The following XYLT1 variants were observed in gnomAD, a reference collection of about 807,000 sequenced individuals.
XYLT1 encodes the protein xylosyltransferase 1, also known as beta-D-xylosyltransferase 1.
Under a neutral mutation model 91.3 loss-of-function variants are expected in XYLT1, and 36 were observed. That is an observed-to-expected ratio of 0.39 (90% CI 0.30 to 0.52). XYLT1 has a LOEUF of 0.52. Among genes scored for constraint, XYLT1 ranks in the 20% least tolerant of loss-of-function variants. The pLI is 0.68. For missense variants in XYLT1, 1,242 were observed against 1,284.5 expected (o/e 0.97, Z 0.51); for synonymous variants, 588 against 532.0 (o/e 1.11, Z -1.45).
intron 1 of XYLT1, among the ~76,000 whole-genome samples, chr16:17,432,955 C>A (rs1158839898): frequency 1.3e-5 from 2 of 152,178 alleles, no homozygotes; most frequent in African/African-American, 2.4e-5. Flanking sequence ...CAGAGCATCA[C>A]TCGGGCAGAG....
chr16:17,179,655 G>A (rs2032022922), intron 5 of XYLT1, among the ~76,000 whole-genome samples: 2 of 152,186 alleles, frequency 1.3e-5, no homozygotes, highest in Non-Finnish European at 2.9e-5. Context: ...CAAAATGGCT[G>A]GAGTATACCA....
intron 1 of XYLT1, among the ~76,000 whole-genome samples, chr16:17,375,379 A>G (rs2035585320): frequency 6.6e-6 from 1 of 151,708 alleles, no homozygotes; most frequent in South Asian, 2.1e-4. Context: ...TAGTGCCTAT[A>G]TTGTTAACCG....
rs141660332 is a variant in XYLT1 at position 17,242,501 on chromosome 16, C to A, written c.913+16487G>T. ...GACTTATCTGGAACAAATCATCTAG[C>A]CTCACTCTGCAGGAGAATTGTCATC... On this transcript the variant is annotated intron_variant, in intron 3 of 11. Coordinates refer to ENST00000261381, the MANE Select transcript of XYLT1 (RefSeq NM_022166.4). 9.7e-4 allele frequency among the ~76,000 whole-genome samples: 148 copies of A among 152,270 alleles called. 1 individual carries two copies. In the East Asian group the frequency reaches 0.025, roughly 26 times the overall value.
intron 1 of XYLT1, among the ~76,000 whole-genome samples, chr16:17,396,253 C>T (rs920892926): frequency 6.6e-6 from 1 of 152,166 alleles, no homozygotes; most frequent in African/African-American, 2.4e-5. Flanking sequence ...CTGTGCTGGG[C>T]ATCAAGGAAA....
At position 17,200,642 on chromosome 16, in the gene XYLT1, T is replaced by C; in HGVS notation, c.926A>G (p.Lys309Arg). The change falls in exon 4 of 12, where the codon AAG (lysine) becomes AGG (arginine). Residue 309 changes from lysine (K) to arginine (R), a missense_variant. Coordinates refer to ENST00000261381, the MANE Select transcript of XYLT1 (RefSeq NM_022166.4). ...GGAGTCCTCGTCCCACTGCACGTTC[T>C]TGTTGGCTTTACCTGGGGAAAATCC... ...RFCPLEGKANKNVQWDEDSVE... is the reference protein window; with the variant it reads ...RFCPLEGKANRNVQWDEDSVE... The C allele has an allele frequency of 6.2e-7, 1 of 1,613,102 alleles. No homozygotes were observed. The highest frequency in any genetic ancestry group is 1.3e-5 in the African/African-American group (1 of 75,018).
chr16:17,127,735 C>A lies in XYLT1; in HGVS notation c.2154G>T (p.Trp718Cys). ...AVSKLETLET[W>C]VMPKKVFKIA... ...TCTTGAAGACTTTTTTCGGCATCAC[C>A]CAGGTCTCCAGAGTCTCTAGTTTGC... Residue 718 changes from tryptophan (W) to cysteine (C), a missense_variant, in exon 10 of 12, where the codon TGG becomes TGT. This residue lies in a region of XYLT1 where 511 missense variants were observed against 497.0 expected (regional missense o/e 1.03). Transcript: ENST00000261381. 1 of 1,614,154 alleles carries A rather than the reference C, an allele frequency of 6.2e-7. No homozygotes were observed. Among genetic ancestry groups the A allele is most frequent in the Non-Finnish European group, 8.5e-7 (1 of 1,180,032 alleles).
chr16:17,281,904 C>T (rs1381868031), intron 2 of XYLT1, among the ~76,000 whole-genome samples: 2 of 152,150 alleles, frequency 1.3e-5, no homozygotes, highest in Non-Finnish European at 2.9e-5. Context: ...GTTCTATGGG[C>T]CATACCTGAG....
rs558723994 is a variant in XYLT1 at position 17,331,908 on chromosome 16, T to C, written c.402+26104A>G. Among the ~76,000 whole-genome samples, 17 of 152,334 alleles carry C rather than the reference T, an allele frequency of 1.1e-4. 1 individual carries two copies. The South Asian group carries it at 2.9e-3, about 26-fold the overall frequency. ...CTTTGCTTCCTCAAATAAGGTCCTC[T>C]AGCCAGACAGCCTCCTTTGTCTCAG... On this transcript the variant is annotated intron_variant, in intron 2 of 11. Transcript: ENST00000261381.
At chr16:17,231,748 T>C (rs1353120893) in intron 3 of XYLT1, among the ~76,000 whole-genome samples, 1 of 151,994 alleles carries the variant, frequency 6.6e-6, no homozygotes, top group South Asian at 2.1e-4. Flanking sequence ...TATCTAAACA[T>C]AGAAAAGGTA....
intron 2 of XYLT1, among the ~76,000 whole-genome samples, chr16:17,344,909 C>G (rs1001543508): frequency 2.0e-5 from 3 of 152,088 alleles, no homozygotes; most frequent in Admixed American, 2.0e-4. Flanking sequence ...CCATGTTGGC[C>G]AGGCTGGTCT....
chr16:17,436,706 A>C (rs577413815), intron 1 of XYLT1, among the ~76,000 whole-genome samples: 2 of 152,248 alleles, frequency 1.3e-5, no homozygotes, highest in Non-Finnish European at 2.9e-5. Flanking sequence ...CATGACCTCA[A>C]TACAATATGA....
At chr16:17,423,282 A>G (rs1477215438) in intron 1 of XYLT1, among the ~76,000 whole-genome samples, 1 of 148,722 alleles carries the variant, frequency 6.7e-6, no homozygotes, top group African/African-American at 2.6e-5. Flanking sequence ...GTTTCATCTC[A>G]TGTGAAATTG....
intron 1 of XYLT1, among the ~76,000 whole-genome samples, chr16:17,366,452 G>A (rs11865536): frequency 0.12 from 18,413 of 152,162 alleles, 2,239 homozygotes; most frequent in African/African-American, 0.31. Context: ...CCTGTAATCC[G>A]TGGAGGCCAA....
chr16:17,207,366 G>A lies in XYLT1; in HGVS notation c.914-6712C>T, dbSNP rs62030856. Among the ~76,000 whole-genome samples the A allele has an allele frequency of 4.0e-3, 613 of 152,216 alleles. 3 individuals are homozygous for A. Among genetic ancestry groups the A allele is most frequent in the Non-Finnish European group, 7.2e-3 (493 of 68,010 alleles). On this transcript the variant is annotated intron_variant, in intron 3 of 11. Coordinates refer to ENST00000261381, the MANE Select transcript of XYLT1 (RefSeq NM_022166.4). ...TGAGCCACAGCGCCTAGCCCAGGTT[G>A]GTTCTCTTGATACCTGTCAGTTCGT...
chr16:17,381,798 C>T (rs941174583), intron 1 of XYLT1, among the ~76,000 whole-genome samples: 1 of 152,120 alleles, frequency 6.6e-6, no homozygotes, highest in African/African-American at 2.4e-5. Context: ...TTCTGACAGT[C>T]TATGAAATTG....
chr16:17,294,812 G>A (rs2034285601), intron 2 of XYLT1, among the ~76,000 whole-genome samples: 2 of 152,220 alleles, frequency 1.3e-5, no homozygotes, highest in South Asian at 4.1e-4. Flanking sequence ...GCAGGTACAA[G>A]CACCCTTATT....
intron 1 of XYLT1, among the ~76,000 whole-genome samples, chr16:17,392,083 GA>G (rs2035826993): frequency 6.6e-6 from 1 of 152,140 alleles, no homozygotes; most frequent in African/African-American, 2.4e-5. Flanking sequence ...ATAAACCAAA[GA>G]ACATACAACA....
chr16:17,374,659 G>A (rs1381444728), intron 1 of XYLT1, among the ~76,000 whole-genome samples: 1 of 150,138 alleles, frequency 6.7e-6, no homozygotes, highest in African/African-American at 2.5e-5. Context: ...AAAAACAAGA[G>A]GTGATATCTT....
At chr16:17,351,144 A>G (rs1314502330) in intron 2 of XYLT1, among the ~76,000 whole-genome samples, 1 of 152,166 alleles carries the variant, frequency 6.6e-6, no homozygotes, top group Non-Finnish European at 1.5e-5. Flanking sequence ...TAAACACATG[A>G]TGTACATGTT....
Sources: allele counts gnomAD v4.1 joint callset (sites outside exome capture counted in the v4.1 genomes callset), GRCh38; gene constraint gnomAD v4.1.1; regional missense constraint gnomAD v4.1.1; transcripts MANE v1.5; gene names NCBI Gene and HGNC (gene_info 2026-07-23, HGNC 2026-07-21).